The following SMO variants were observed in gnomAD, a reference collection of about 807,000 sequenced individuals.
The protein encoded by SMO is protein smoothened.
A neutral mutation model predicts 81.6 loss-of-function variants in SMO; 40 were observed. The ratio of observed to expected loss-of-function variants is 0.49; its 90% CI spans 0.38 to 0.64. SMO has a LOEUF of 0.64. Ranked by LOEUF, SMO falls within the 30% of genes least tolerant of loss-of-function variation. The probability of loss-of-function intolerance (pLI) is 0.00; values close to 1 mark genes in which losing one functional copy is unlikely to be tolerated. For synonymous variants in SMO, 434 were observed against 432.1 expected (o/e 1.00, Z -0.05); for missense variants, 916 against 1,061.1 (o/e 0.86, Z 1.90).
At chr7:129,191,959 C>T (rs1365599051) in intron 1 of SMO, among the ~76,000 whole-genome samples, 1 of 152,068 alleles carries the variant, frequency 6.6e-6, no homozygotes, top group Admixed American at 6.6e-5. Flanking sequence ...GGTGCTCACA[C>T]CTGTGATCTC....
rs1061275 is a variant in SMO at position 129,213,179 on chromosome 7, C to T, written c.*728C>T. 0.028 allele frequency: 6,502 copies of T among 234,074 alleles called. 119 individuals carry two copies. Among genetic ancestry groups the T allele is most frequent in the Admixed American group, 0.063 (1,114 of 17,798 alleles). The allele number at this position is 234,074 out of a possible 1,614,324, so 14.5% of individuals were successfully genotyped here. On this transcript the variant is annotated 3_prime_UTR_variant, in exon 12 of 12. Coordinates refer to ENST00000249373, the MANE Select transcript of SMO (RefSeq NM_005631.5). ...ACACTCACCTCTAACCCCCTCCCCT[C>T]GCTGCTGGGCCCCATCTCCACAGGA...
chr7:129,205,581 T>G (rs773419916), intron 3 of SMO, 29 bp from the exon 4 acceptor site: 1 of 1,603,544 alleles, frequency 6.2e-7, no homozygotes, highest in South Asian at 1.1e-5. Flanking sequence ...AACCCTAACC[T>G]CACAGAATGG....
At chr7:129,209,425 G>A (rs768426904) in intron 8 of SMO, 28 bp downstream of exon 8, 93 of 1,490,824 alleles carry the variant, frequency 6.2e-5, no homozygotes, top group Non-Finnish European at 8.5e-5. Flanking sequence ...AGGCGGCAGT[G>A]CTGGGAGCTG....
At position 129,206,703 on chromosome 7, in the gene SMO, T is replaced by A; in HGVS notation, c.1264+116T>A. On this transcript the variant is annotated intron_variant, in intron 6 of 11. Transcript: ENST00000249373. This position sits in a 1 kb window ranked among gnomAD's most constrained non-coding sequence, Gnocchi z 4.4. The stretch of plus-strand genomic sequence containing the variant: ...ATGCTGAAACCCCAGCTAGCTCCTA[T>A]AGGGCCTTCACACAGTAGAAGGTGA... The A allele has an allele frequency of 9.6e-7, 1 of 1,042,670 alleles. No homozygotes were observed. The highest frequency in any genetic ancestry group is 1.4e-6 in the Non-Finnish European group (1 of 735,016). 64.6% of individuals were successfully genotyped at this position (1,042,670 alleles called of 1,614,324 possible).
intron 1 of SMO, among the ~76,000 whole-genome samples, chr7:129,193,916 G>A (rs1392829891): frequency 6.9e-6 from 1 of 145,532 alleles, no homozygotes; most frequent in African/African-American, 2.6e-5. Flanking sequence ...ACCAGCCTGG[G>A]CAACAAAGTG....
At chr7:129,197,302 C>G (rs1423069142) in intron 1 of SMO, among the ~76,000 whole-genome samples, 1 of 152,052 alleles carries the variant, frequency 6.6e-6, no homozygotes, top group Non-Finnish European at 1.5e-5. Context: ...CTTTTTCTAC[C>G]CTTCACCATT....
At chr7:129,201,670 G>A (rs1793672463) in intron 1 of SMO, among the ~76,000 whole-genome samples, 1 of 151,692 alleles carries the variant, frequency 6.6e-6, no homozygotes, top group African/African-American at 2.4e-5. Flanking sequence ...ACTGTTTTTG[G>A]GTTTTTTGTT....
In SMO at chr7:129,189,490, C is replaced by G. The variant is rs1793450740; in HGVS notation, c.331+8C>G. 3 of 1,535,534 alleles carry G rather than the reference C, an allele frequency of 2.0e-6. No individual in the cohort carries two copies. Among genetic ancestry groups the G allele is most frequent in the Non-Finnish European group, 2.6e-6 (3 of 1,146,584 alleles). On this transcript the variant is annotated splice_region_variant and intron_variant, in intron 1 of 11. Coordinates refer to ENST00000249373, the MANE Select transcript of SMO (RefSeq NM_005631.5). The surrounding 1 kb of genome is among the most constrained non-coding windows in gnomAD (Gnocchi z 4.7). ...AGCTCGTGCTCTGGTCGGGTAAGTGCGGCGGAGCCGGGTCTGGGGGGCGGG... is the reference window on the plus strand; with the variant it reads ...AGCTCGTGCTCTGGTCGGGTAAGTGGGGCGGAGCCGGGTCTGGGGGGCGGG...
intron 1 of SMO, among the ~76,000 whole-genome samples, chr7:129,190,986 A>AATT (rs1271715404): frequency 3.3e-5 from 5 of 152,220 alleles, no homozygotes; most frequent in African/African-American, 1.2e-4. Context: ...TAATAATAAT[A>AATT]AAAAGAACAC....
chr7:129,205,196 G>T lies in SMO; in HGVS notation c.538-7G>T, dbSNP rs202215666. Reference sequence around the variant, plus strand: ...TTGACACCGTCTTTTCCCATCCCTGGTGCCAGAATGAGGTGCAGAACATCA... The same window carrying T: ...TTGACACCGTCTTTTCCCATCCCTGTTGCCAGAATGAGGTGCAGAACATCA... On this transcript the variant is annotated splice_region_variant and splice_polypyrimidine_tract_variant and intron_variant, in intron 2 of 11. Transcript: ENST00000249373. The T allele has an allele frequency of 7.0e-5, 113 of 1,613,688 alleles. No homozygotes were observed. The African/African-American group carries it at 1.2e-3, about 17-fold the overall frequency.
intron 1 of SMO, among the ~76,000 whole-genome samples, chr7:129,196,180 G>A (rs1477781126): frequency 6.6e-6 from 1 of 151,742 alleles, no homozygotes; most frequent in African/African-American, 2.4e-5. Context: ...ATAATTGGAG[G>A]AAGGGCCAAA....
Position 129,210,523 on chromosome 7 carries a change from C to G in SMO, c.1627C>G (p.Leu543Val), listed in dbSNP as rs752557747. 6.2e-7 allele frequency: 1 copy of G among 1,614,146 alleles called. No homozygotes were observed. ...STWVWTKATL[L>V]IWRRTWCRLT... ...CTGGGTCTGGACCAAGGCCACGCTGCTCATCTGGAGGCGTACCTGGTGCAG... is the reference window on the plus strand; with the variant it reads ...CTGGGTCTGGACCAAGGCCACGCTGGTCATCTGGAGGCGTACCTGGTGCAG... Residue 543 changes from leucine (L) to valine (V), a missense_variant, in exon 9 of 12, where the codon CTC becomes GTC. This residue lies in a region of SMO where 436 missense variants were observed against 570.9 expected (regional missense o/e 0.76). Coordinates refer to ENST00000249373, the MANE Select transcript of SMO (RefSeq NM_005631.5). This position sits in a 1 kb window ranked among gnomAD's most constrained non-coding sequence, Gnocchi z 4.7.
At chr7:129,198,482 C>G (rs1168061804) in intron 1 of SMO, among the ~76,000 whole-genome samples, 1 of 152,202 alleles carries the variant, frequency 6.6e-6, no homozygotes, top group Non-Finnish European at 1.5e-5. Context: ...ATAGACTGCT[C>G]TCCACTCAAC....
In SMO at chr7:129,211,606, C is replaced by T. The variant is rs2150655454; in HGVS notation, c.1802-30C>T. On this transcript the variant is annotated intron_variant, in intron 10 of 11. Transcript: ENST00000249373. The surrounding 1 kb of genome is among the most constrained non-coding windows in gnomAD (Gnocchi z 4.6). ...GCCAGGGACCGGGAAGTCACTATTC[C>T]TTCTCCTTTCCTTCCTTCCATTCCC... The T allele has an allele frequency of 1.2e-6, 2 of 1,608,762 alleles. No individual in the cohort carries two copies. The highest frequency in any genetic ancestry group is 1.7e-6 in the Non-Finnish European group (2 of 1,177,992).
rs777644634 is a variant in SMO at position 129,205,211 on chromosome 7, G to A, written c.546G>A (p.Val182=). 1.9e-6 allele frequency: 3 copies of A among 1,614,054 alleles called. No homozygotes were observed. Among genetic ancestry groups the A allele is most frequent in the East Asian group, 2.2e-5 (1 of 44,874 alleles). The stretch of plus-strand genomic sequence containing the variant: ...CCCATCCCTGGTGCCAGAATGAGGT[G>A]CAGAACATCAAGTTCAACAGTTCAG... ...DRFPEGCTNE[V]QNIKFNSSGQ... The change falls in exon 3 of 12, where the codon GTG becomes GTA. Residue 182 remains valine, a synonymous_variant. Transcript: ENST00000249373.
intron 6 of SMO, among the ~76,000 whole-genome samples, chr7:129,207,970 T>TA (rs1250610407): frequency 1.6e-3 from 232 of 149,506 alleles, no homozygotes; most frequent in Admixed American, 5.5e-3. Context: ...CACACTGTAT[T>TA]AAAAAAAAAA....
intron 8 of SMO, 122 bp downstream of exon 8, chr7:129,209,519 G>A: frequency 1.5e-6 from 1 of 653,420 alleles, no homozygotes; most frequent in Non-Finnish European, 2.8e-6. Context: ...CAGATTCAAT[G>A]GATGGTGTCT....
rs141911302 is a variant in SMO at position 129,199,590 on chromosome 7, A to G, written c.332-3794A>G. The stretch of plus-strand genomic sequence containing the variant: ...TCTCTACAGAAAAATACAAAAATTC[A>G]CCAGGTGTGGTGGTGTGAGCCTGTA... On this transcript the variant is annotated intron_variant, in intron 1 of 11. Coordinates refer to ENST00000249373, the MANE Select transcript of SMO (RefSeq NM_005631.5). 3.4e-3 allele frequency among the ~76,000 whole-genome samples: 519 copies of G among 152,088 alleles called. 4 individuals carry two copies. Among genetic ancestry groups the G allele is most frequent in the African/African-American group, 0.012 (486 of 41,530 alleles).
chr7:129,205,437 G>T (rs760715087), intron 3 of SMO, 25 bp downstream of exon 3: 2 of 1,594,128 alleles, frequency 1.3e-6, no homozygotes, highest in Non-Finnish European at 1.7e-6. Context: ...GGCAGGCCCG[G>T]GGGGCCCTCA....
Sources: allele counts gnomAD v4.1 joint callset (sites outside exome capture counted in the v4.1 genomes callset), GRCh38; gene constraint gnomAD v4.1.1; regional missense constraint gnomAD v4.1.1; non-coding constraint Gnocchi (gnomAD v3.1); transcripts MANE v1.5; gene names NCBI Gene and HGNC (gene_info 2026-07-23, HGNC 2026-07-21).